The following DOCK8 variants were observed in gnomAD, a reference collection of about 807,000 sequenced individuals.
The protein encoded by DOCK8 is dedicator of cytokinesis 8, also known as dedicator of cytokinesis protein 8.
A neutral mutation model predicts 245.6 loss-of-function variants in DOCK8; 141 were observed. That is an observed-to-expected ratio of 0.57 (90% CI 0.50 to 0.66). The LOEUF is 0.66. Among genes scored for constraint, DOCK8 ranks in the 30% least tolerant of loss-of-function variants. The pLI is 0.00. For missense variants in DOCK8, 2,965 were observed against 2,603.4 expected (o/e 1.14, Z -3.02); for synonymous variants, 1,168 against 970.2 (o/e 1.20, Z -3.79).
intron 46 of DOCK8, among the ~76,000 whole-genome samples, chr9:455,348 T>C (rs922505559): frequency 2.1e-5 from 3 of 143,392 alleles, no homozygotes; most frequent in African/African-American, 7.5e-5. Context: ...TACAAAAAAA[T>C]ACAAAAATTT....
At chr9:219,858 C>T (rs1204847494) in intron 1 of DOCK8, among the ~76,000 whole-genome samples, 1 of 152,114 alleles carries the variant, frequency 6.6e-6, no homozygotes, top group African/African-American at 2.4e-5. Flanking sequence ...GATTGCGCCA[C>T]TGCACTGCAG....
At chr9:266,929 G>A (rs1257877990) in intron 1 of DOCK8, among the ~76,000 whole-genome samples, 1 of 152,156 alleles carries the variant, frequency 6.6e-6, no homozygotes, top group African/African-American at 2.4e-5. Context: ...AGAATCAAAT[G>A]TAGAGGAAAA....
chr9:400,336 T>A (rs374203382), intron 26 of DOCK8, among the ~76,000 whole-genome samples: 255 of 4,800 alleles, frequency 0.053, 2 homozygotes, highest in Middle Eastern at 0.1. Context: ...CACCACCACC[T>A]CCTCCACCAC....
chr9:450,411 C>T (rs906430650), intron 45 of DOCK8, among the ~76,000 whole-genome samples: 11 of 152,136 alleles, frequency 7.2e-5, no homozygotes, highest in African/African-American at 2.7e-4. Flanking sequence ...GACCTGGGAC[C>T]TGACTTCTTA....
intron 44 of DOCK8, among the ~76,000 whole-genome samples, chr9:448,512 A>G (rs183544867): frequency 3.3e-5 from 5 of 152,328 alleles, no homozygotes; most frequent in African/African-American, 1.2e-4. Flanking sequence ...GGCTTAAACA[A>G]CTGAAATTTA....
chr9:309,744 A>C (rs188075910), intron 5 of DOCK8, among the ~76,000 whole-genome samples: 1 of 152,182 alleles, frequency 6.6e-6, no homozygotes, highest in Non-Finnish European at 1.5e-5. Flanking sequence ...CCACTCCCAC[A>C]TCGACCTTTG....
intron 7 of DOCK8, among the ~76,000 whole-genome samples, chr9:323,893 A>G (rs747508946): frequency 6.6e-6 from 1 of 152,140 alleles, no homozygotes; most frequent in Non-Finnish European, 1.5e-5. Flanking sequence ...ATATTTTGTT[A>G]TGGCCTCATA....
intron 3 of DOCK8, 146 bp downstream of exon 3, chr9:286,782 C>T (rs2048841953): frequency 4.9e-6 from 4 of 824,324 alleles, no homozygotes; most frequent in South Asian, 1.5e-5. Context: ...TATATGATAT[C>T]ATCATGTAAG....
At position 255,065 on chromosome 9, in the gene DOCK8, G is replaced by C. The variant is rs144083173; in HGVS notation, c.54-16562G>C. ...TTCAAAGTTTGCTCAAGTTAACTTTGTTGTTACAGCATTAGCTTGAATATC... is the reference window on the plus strand; with the variant it reads ...TTCAAAGTTTGCTCAAGTTAACTTTCTTGTTACAGCATTAGCTTGAATATC... On this transcript the variant is annotated intron_variant, in intron 1 of 47. Coordinates refer to ENST00000432829, the MANE Select transcript of DOCK8 (RefSeq NM_203447.4). 5.8e-3 allele frequency among the ~76,000 whole-genome samples: 878 copies of C among 152,208 alleles called. 8 individuals are homozygous for C. The highest frequency in any genetic ancestry group is 0.02 in the African/African-American group (825 of 41,514).
intron 1 of DOCK8, among the ~76,000 whole-genome samples, chr9:218,498 A>C (rs1365957292): frequency 3.3e-5 from 5 of 152,196 alleles, no homozygotes; most frequent in Non-Finnish European, 7.3e-5. Flanking sequence ...TAAGTTAGGC[A>C]GTTCGTAATA....
chr9:316,979 TA>T (rs764848115), intron 6 of DOCK8, 63 bp from the exon 7 acceptor site: 134 of 1,323,402 alleles, frequency 1.0e-4, no homozygotes, highest in Middle Eastern at 1.8e-4. Context: ...TTCCCTGGGT[TA>T]ACTCTAATTG....
intron 14 of DOCK8, among the ~76,000 whole-genome samples, chr9:346,403 G>A (rs1453956399): frequency 6.6e-6 from 1 of 152,172 alleles, no homozygotes; most frequent in Non-Finnish European, 1.5e-5. Context: ...ATCCTATCCT[G>A]CGGCCGCCAG....
chr9:432,877 G>A (rs1056872762), intron 37 of DOCK8, among the ~76,000 whole-genome samples: 12 of 152,190 alleles, frequency 7.9e-5, no homozygotes, highest in African/African-American at 2.2e-4. Flanking sequence ...CTAAGGAAAT[G>A]TGTAAGGACA....
At chr9:260,954 A>T (rs1000216263) in intron 1 of DOCK8, among the ~76,000 whole-genome samples, 1 of 152,270 alleles carries the variant, frequency 6.6e-6, no homozygotes, top group East Asian at 1.9e-4. Context: ...GAATGTATAC[A>T]TGTATTTGCT....
chr9:299,269 A>G (rs1280859549), intron 4 of DOCK8, among the ~76,000 whole-genome samples: 1 of 152,146 alleles, frequency 6.6e-6, no homozygotes, highest in Non-Finnish European at 1.5e-5. Flanking sequence ...GTTGTTGCCT[A>G]CATTTATATT....
intron 10 of DOCK8, among the ~76,000 whole-genome samples, chr9:333,375 G>A (rs2051124861): frequency 1.3e-5 from 2 of 152,236 alleles, no homozygotes; most frequent in South Asian, 4.1e-4. Context: ...GCCAAGGCGG[G>A]CAGATCATGA....
Position 302,989 on chromosome 9 carries a change from AAAAAAG to A in DOCK8, c.405-1575_405-1570del, listed in dbSNP as rs1257946008. 4.6e-5 allele frequency among the ~76,000 whole-genome samples: 7 copies of A among 151,890 alleles called. No homozygotes were observed. In the East Asian group the frequency reaches 5.8e-4, roughly 13 times the overall value. On this transcript the variant is annotated intron_variant, in intron 4 of 47. Coordinates refer to ENST00000432829, the MANE Select transcript of DOCK8 (RefSeq NM_203447.4). ...CAAAACATCAAAATAAATGGAAAAA[AAAAAAG>A]AAAAAGAAAAAGAAAATTAACTGGG...
intron 14 of DOCK8, among the ~76,000 whole-genome samples, chr9:350,889 G>A (rs1243778456): frequency 1.3e-5 from 2 of 152,104 alleles, no homozygotes; most frequent in Non-Finnish European, 2.9e-5. Flanking sequence ...GTGGACCCCC[G>A]TCCTGTTTGT....
At chr9:281,170 C>T (rs1489251278) in intron 2 of DOCK8, among the ~76,000 whole-genome samples, 1 of 151,968 alleles carries the variant, frequency 6.6e-6, no homozygotes, top group Non-Finnish European at 1.5e-5. Flanking sequence ...ACAAGAATTT[C>T]TTGAACCCAG....
Sources: gnomAD v4.1 joint callset for allele counts (sites outside exome capture counted in the v4.1 genomes callset) on GRCh38, gnomAD v4.1.1 for gene constraint, MANE v1.5 for transcripts, NCBI Gene and HGNC (gene_info 2026-07-23, HGNC 2026-07-21) for gene names.